ROBO1: variants seen among roughly 807,000 people sequenced by gnomAD.
ROBO1 encodes the protein roundabout guidance receptor 1.
Under a neutral mutation model 195.9 loss-of-function variants are expected in ROBO1, and 149 were observed. The ratio of observed to expected loss-of-function variants is 0.76; its 90% CI spans 0.67 to 0.87. The LOEUF (loss-of-function observed/expected upper bound fraction) is 0.87, where lower values mean the gene tolerates loss of function less well. Among genes scored for constraint, ROBO1 ranks in the 40% least tolerant of loss-of-function variants. ROBO1 has a pLI of 0.00. For missense variants in ROBO1, 1,933 were observed against 2,068.3 expected, an observed-to-expected ratio of 0.93 and a Z score of 1.27; for synonymous variants, 816 against 733.2, an observed-to-expected ratio of 1.11 and a Z score of -1.82.
chr3:79,322,145 A>G (rs1021409831), intron 2 of ROBO1, among the ~76,000 whole-genome samples: 2 of 152,190 alleles, frequency 1.3e-5, no homozygotes, highest in African/African-American at 2.4e-5. Context: ...TATGCTATCA[A>G]TCAGACTTAA....
At chr3:79,573,576 A>G (rs1943350221) in intron 2 of ROBO1, among the ~76,000 whole-genome samples, 3 of 152,302 alleles carry the variant, frequency 2.0e-5, no homozygotes, top group Non-Finnish European at 4.4e-5. Flanking sequence ...TATTAAAACA[A>G]ATATTCATAT....
At chr3:79,007,536 G>T (rs1327874676) in intron 3 of ROBO1, among the ~76,000 whole-genome samples, 1 of 152,044 alleles carries the variant, frequency 6.6e-6, no homozygotes, top group Non-Finnish European at 1.5e-5. Flanking sequence ...CAAAGAAAAT[G>T]CCAGAAAACA....
intron 2 of ROBO1, among the ~76,000 whole-genome samples, chr3:79,245,207 T>C (rs916661314): frequency 4.6e-5 from 7 of 152,134 alleles, no homozygotes; most frequent in African/African-American, 1.7e-4. Context: ...AACTCATTCA[T>C]CTGGACAGAA....
chr3:78,858,744 C>T (rs1395157801), intron 4 of ROBO1, among the ~76,000 whole-genome samples: 1 of 151,300 alleles, frequency 6.6e-6, no homozygotes, highest in Non-Finnish European at 1.5e-5. Flanking sequence ...CTGACCCCCA[C>T]TCCGTCCACC....
At chr3:79,652,135 TAA>T (rs1946028742) in intron 1 of ROBO1, among the ~76,000 whole-genome samples, 1 of 152,112 alleles carries the variant, frequency 6.6e-6, no homozygotes, top group Non-Finnish European at 1.5e-5. Context: ...CCTATAATTT[TAA>T]AAAATATACC....
At chr3:78,745,100 A>G (rs921021198) in intron 5 of ROBO1, among the ~76,000 whole-genome samples, 10 of 151,868 alleles carry the variant, frequency 6.6e-5, no homozygotes, top group Non-Finnish European at 1.3e-4. Context: ...ATGAGGTCAG[A>G]AGATCGAGAC....
At chr3:79,142,394 G>T (rs1222909412) in intron 2 of ROBO1, among the ~76,000 whole-genome samples, 1 of 152,148 alleles carries the variant, frequency 6.6e-6, no homozygotes, top group Non-Finnish European at 1.5e-5. Flanking sequence ...GGAGTCAAGT[G>T]AGATGTGACT....
At chr3:78,749,143 A>G (rs2082728454) in intron 4 of ROBO1, among the ~76,000 whole-genome samples, 1 of 152,204 alleles carries the variant, frequency 6.6e-6, no homozygotes. Flanking sequence ...GGATCACATT[A>G]TTAATCAATG....
chr3:79,370,148 A>T lies in ROBO1; in HGVS notation c.88+219676T>A, dbSNP rs536336177. Among the ~76,000 whole-genome samples the T allele has an allele frequency of 2.4e-3, 371 of 151,916 alleles. 2 individuals are homozygous for T. The highest frequency in any genetic ancestry group is 7.6e-3 in the African/African-American group (316 of 41,428). On this transcript the variant is annotated intron_variant, in intron 2 of 30. Coordinates refer to ENST00000464233, the MANE Select transcript of ROBO1 (RefSeq NM_002941.4). Reference sequence around the variant, plus strand: ...GGAGTGTCAATCACTTGTGCCCAGGAGTTCGAGACCAGCCTGGGCAACATG... The same window carrying T: ...GGAGTGTCAATCACTTGTGCCCAGGTGTTCGAGACCAGCCTGGGCAACATG...
intron 2 of ROBO1, among the ~76,000 whole-genome samples, chr3:79,411,319 C>A (rs1010761562): frequency 6.6e-6 from 1 of 152,102 alleles, no homozygotes; most frequent in South Asian, 2.1e-4. Flanking sequence ...TGGTTTTTGA[C>A]ATTTCTTAAA....
intron 4 of ROBO1, among the ~76,000 whole-genome samples, chr3:78,914,729 ATAT>A (rs1428245674): frequency 6.2e-5 from 9 of 146,188 alleles, no homozygotes; most frequent in African/African-American, 2.0e-4. Context: ...ATAATTTTAT[ATAT>A]TATACCATGT....
chr3:79,648,796 CG>C (rs1323218222), intron 1 of ROBO1, among the ~76,000 whole-genome samples: 4 of 151,606 alleles, frequency 2.6e-5, no homozygotes, highest in Non-Finnish European at 4.4e-5. Flanking sequence ...GAAAGAAAAA[CG>C]AAAAACTAAA....
At chr3:78,987,434 T>C (rs930102741) in intron 3 of ROBO1, among the ~76,000 whole-genome samples, 11 of 152,092 alleles carry the variant, frequency 7.2e-5, no homozygotes, top group African/African-American at 2.7e-4. Flanking sequence ...GGCATAAGAA[T>C]GAAGAAGAGT....
chr3:78,886,208 A>T (rs921982594), intron 4 of ROBO1, among the ~76,000 whole-genome samples: 5 of 152,034 alleles, frequency 3.3e-5, no homozygotes, highest in African/African-American at 1.2e-4. Flanking sequence ...AACAATACGA[A>T]AATAAGCTGA....
chr3:78,985,656 C>T (rs1359963567), intron 3 of ROBO1, among the ~76,000 whole-genome samples: 1 of 152,168 alleles, frequency 6.6e-6, no homozygotes, highest in Non-Finnish European at 1.5e-5. Context: ...TTGGCCTCTA[C>T]TCACGAGATC....
intron 2 of ROBO1, among the ~76,000 whole-genome samples, chr3:79,441,311 G>A (rs1320286612): frequency 6.6e-6 from 1 of 152,088 alleles, no homozygotes; most frequent in Non-Finnish European, 1.5e-5. Context: ...GTGAATGTTA[G>A]TTTCTTAGGT....
At chr3:79,463,400 A>AAC (rs1553747332) in intron 2 of ROBO1, among the ~76,000 whole-genome samples, 1 of 116,328 alleles carries the variant, frequency 8.6e-6, no homozygotes, top group African/African-American at 3.1e-5. Context: ...AACAAAAAAC[A>AAC]AAAAACAAAA....
intron 3 of ROBO1, among the ~76,000 whole-genome samples, chr3:78,959,013 G>A (rs1192475301): frequency 6.6e-6 from 1 of 151,826 alleles, no homozygotes; most frequent in Non-Finnish European, 1.5e-5. Flanking sequence ...TATGTTGCCA[G>A]GTGGGTCTCC....
At chr3:78,735,509 G>A (rs1412770637) in intron 5 of ROBO1, among the ~76,000 whole-genome samples, 1 of 152,074 alleles carries the variant, frequency 6.6e-6, no homozygotes, top group Non-Finnish European at 1.5e-5. Context: ...GAATGAGATT[G>A]TGTGACAACC....
Sources: allele counts gnomAD v4.1 joint callset (sites outside exome capture counted in the v4.1 genomes callset), GRCh38; gene constraint gnomAD v4.1.1; transcripts MANE v1.5; gene names NCBI Gene and HGNC (gene_info 2026-07-23, HGNC 2026-07-21).